Variants in PCDHGA1 observed in about 807,000 individuals in gnomAD.
The protein encoded by PCDHGA1 is protocadherin gamma-A1.
A neutral mutation model predicts 58.0 loss-of-function variants in PCDHGA1; 32 were observed. That is an observed-to-expected ratio of 0.55 (90% CI 0.42 to 0.74). The LOEUF (loss-of-function observed/expected upper bound fraction) is 0.74. Among genes scored for constraint, PCDHGA1 ranks in the 30% least tolerant of loss-of-function variants. PCDHGA1 has a pLI of 0.00. For synonymous variants in PCDHGA1, 498 were observed against 501.1 expected (o/e 0.99, Z 0.08); for missense variants, 1,205 against 1,182.3 (o/e 1.02, Z -0.28).
At chr5:141,350,817 G>T (rs62378414) in intron 1 of PCDHGA1, 45,375 of 1,614,002 alleles carry the variant, frequency 0.028, 719 homozygotes, top group Middle Eastern at 0.09. Context: ...CCTGATGGAA[G>T]TAAATATCCG....
At chr5:141,370,501 C>G in intron 1 of PCDHGA1, 1 of 1,613,952 alleles carries the variant, frequency 6.2e-7, no homozygotes, top group South Asian at 1.1e-5. Flanking sequence ...ATCCGCTACG[C>G]TATTCCCGAG....
intron 1 of PCDHGA1, chr5:141,405,458 T>C (rs2094670240): frequency 2.4e-6 from 3 of 1,231,152 alleles, no homozygotes; most frequent in Non-Finnish European, 2.3e-6. Flanking sequence ...CTTACTCTGT[T>C]ACCCAGGCTG....
chr5:141,388,906 A>ACG (rs890479246), intron 1 of PCDHGA1: 2 of 1,614,016 alleles, frequency 1.2e-6, no homozygotes, highest in Admixed American at 3.3e-5. Flanking sequence ...GAAAATGACA[A>ACG]CGCCCCAGAA....
intron 1 of PCDHGA1, chr5:141,350,174 T>G: frequency 1.6e-6 from 2 of 1,283,836 alleles, no homozygotes; most frequent in Non-Finnish European, 2.1e-6. Context: ...TAATAAGTCC[T>G]AAGCTCAAAT....
intron 1 of PCDHGA1, chr5:141,423,880 G>T: frequency 7.8e-7 from 1 of 1,282,292 alleles, no homozygotes; most frequent in Non-Finnish European, 9.9e-7. Flanking sequence ...TTTCAATCTT[G>T]GCATATTTTC....
intron 1 of PCDHGA1, chr5:141,428,441 G>C: frequency 2.6e-6 from 1 of 389,280 alleles, no homozygotes; most frequent in Non-Finnish European, 4.9e-6. Context: ...ACTAGACCAG[G>C]GGTTTTTCCC....
intron 2 of PCDHGA1, among the ~76,000 whole-genome samples, chr5:141,499,689 C>CTTTTTTT (rs545067566): frequency 3.3e-5 from 4 of 119,856 alleles, no homozygotes; most frequent in Admixed American, 8.7e-5. Context: ...TAACAGATGA[C>CTTTTTTT]TTTTTTTTTT....
intron 1 of PCDHGA1, chr5:141,415,756 T>G (rs756759295): frequency 1.5e-4 from 214 of 1,386,812 alleles, no homozygotes; most frequent in African/African-American, 5.9e-4. Flanking sequence ...TTTTTTTTTT[T>G]TTTTTTTTTT....
intron 1 of PCDHGA1, chr5:141,404,904 AG>A: frequency 3.1e-6 from 5 of 1,613,864 alleles, no homozygotes; most frequent in Non-Finnish European, 4.2e-6. Flanking sequence ...GACCATGGCC[AG>A]CCCCCTCTCT....
intron 1 of PCDHGA1, chr5:141,398,637 T>G: frequency 6.2e-7 from 1 of 1,614,026 alleles, no homozygotes; most frequent in Non-Finnish European, 8.5e-7. Context: ...TGCAGAAGTA[T>G]AAACTCTCTC....
chr5:141,362,123 T>C (rs1762339716), intron 1 of PCDHGA1: 1 of 1,613,882 alleles, frequency 6.2e-7, no homozygotes, highest in African/African-American at 1.3e-5. Flanking sequence ...CTGCACCTAA[T>C]CTTCGCGGAT....
At position 141,407,205 on chromosome 5, in the gene PCDHGA1, C is replaced by T. The variant is rs146299905; in HGVS notation, c.2421+74100C>T. 1.4e-3 allele frequency among the ~76,000 whole-genome samples: 213 copies of T among 152,308 alleles called. 1 individual carries two copies. Among genetic ancestry groups the T allele is most frequent in the African/African-American group, 4.8e-3 (199 of 41,572 alleles). On this transcript the variant is annotated intron_variant, in intron 1 of 3. Coordinates refer to ENST00000517417, the MANE Select transcript of PCDHGA1 (RefSeq NM_018912.3). ...ATTTTAATTATTTCAAACACGTTTTCCCCCTTAAGTGGGTAGCAAAAAAAA... is the reference window on the plus strand; with the variant it reads ...ATTTTAATTATTTCAAACACGTTTTTCCCCTTAAGTGGGTAGCAAAAAAAA...
chr5:141,456,748 A>C (rs1448893002), intron 1 of PCDHGA1, among the ~76,000 whole-genome samples: 1 of 151,852 alleles, frequency 6.6e-6, no homozygotes, highest in Non-Finnish European at 1.5e-5. Context: ...GAGCATCATG[A>C]GGTCAGGAGT....
chr5:141,351,000 G>C (rs766155062), intron 1 of PCDHGA1: 3 of 1,614,072 alleles, frequency 1.9e-6, no homozygotes, highest in African/African-American at 1.3e-5. Flanking sequence ...TACAGGGTTA[G>C]CCTCCAAGAA....
At chr5:141,408,556 T>G (rs1215804867) in intron 1 of PCDHGA1, 1 of 1,613,940 alleles carries the variant, frequency 6.2e-7, no homozygotes, top group Non-Finnish European at 8.5e-7. Context: ...ATATTTTTCA[T>G]GTCATTGTGG....
intron 1 of PCDHGA1, chr5:141,340,766 G>T: frequency 6.2e-7 from 1 of 1,613,866 alleles, no homozygotes; most frequent in South Asian, 1.1e-5. Flanking sequence ...CAGAGACTCG[G>T]GCCAGAACGC....
chr5:141,410,342 C>T (rs772070270), intron 1 of PCDHGA1: 12 of 1,613,946 alleles, frequency 7.4e-6, no homozygotes, highest in Non-Finnish European at 9.3e-6. Flanking sequence ...CATTGCCTTG[C>T]GCCTGCGACG....
intron 1 of PCDHGA1, chr5:141,345,416 T>C: frequency 1.2e-6 from 2 of 1,613,780 alleles, no homozygotes; most frequent in Non-Finnish European, 1.7e-6. Flanking sequence ...CCGCCTACAT[T>C]CCAGAAAACA....
chr5:141,429,389 A>ATTT (rs1561841246), intron 1 of PCDHGA1, among the ~76,000 whole-genome samples: 155 of 147,652 alleles, frequency 1.0e-3, no homozygotes, highest in African/African-American at 3.7e-3. Flanking sequence ...TTTTTTTTTA[A>ATTT]AAAAAATTGA....
Sources: allele counts gnomAD v4.1 joint callset (sites outside exome capture counted in the v4.1 genomes callset), GRCh38; gene constraint gnomAD v4.1.1; transcripts MANE v1.5; gene names NCBI Gene and HGNC (gene_info 2026-07-23, HGNC 2026-07-21).